Variants in EYS observed in about 807,000 individuals in gnomAD.
The protein encoded by EYS is EGF-like photoreceptor maintenance factor.
In EYS, 250 loss-of-function variants were observed where a neutral mutation model predicts 282.1. That is an observed-to-expected ratio of 0.89 (90% confidence interval 0.80 to 0.98). EYS has a LOEUF of 0.98. Among genes scored for constraint, EYS ranks in the 50% least tolerant of loss-of-function variants. The probability of loss-of-function intolerance (pLI) is 0.00; values close to 1 mark genes in which losing one functional copy is unlikely to be tolerated. For missense variants in EYS, 4,016 were observed against 3,709.0 expected (o/e 1.08, Z -2.15); for synonymous variants, 1,355 against 1,282.9 (o/e 1.06, Z -1.20).
At chr6:64,687,785 A>G (rs971869790) in intron 22 of EYS, among the ~76,000 whole-genome samples, 3 of 152,226 alleles carry the variant, frequency 2.0e-5, no homozygotes, top group African/African-American at 7.2e-5. Flanking sequence ...GAATAGTTTC[A>G]GAAGGAACGG....
intron 30 of EYS, among the ~76,000 whole-genome samples, chr6:64,298,276 A>G (rs1324138720): frequency 6.6e-6 from 1 of 152,166 alleles, no homozygotes. Flanking sequence ...TAATAGTGTT[A>G]TAACTTTGGT....
chr6:65,113,964 C>T (rs1276341531), intron 12 of EYS, among the ~76,000 whole-genome samples: 4 of 151,962 alleles, frequency 2.6e-5, no homozygotes, highest in Admixed American at 6.6e-5. Flanking sequence ...GCTTATTAAA[C>T]GATGGCACTA....
Position 64,591,740 on chromosome 6 carries a change from G to A in EYS, c.4127C>T (p.Ser1376Leu). 1 of 1,551,392 alleles carries A rather than the reference G, an allele frequency of 6.4e-7. No homozygotes were observed. Among genetic ancestry groups the A allele is most frequent in the East Asian group, 2.4e-5 (1 of 40,904 alleles). Residue 1376 changes from serine (S) to leucine (L), a missense_variant, in exon 26 of 43, where the codon TCA becomes TTA. Coordinates refer to ENST00000503581, the MANE Select transcript of EYS (RefSeq NM_001142800.2). ...TSVSHMPIRTSAATLGFFFPD... is the reference protein window; with the variant it reads ...TSVSHMPIRTLAATLGFFFPD... ...AAAAAAGAAACCTAGTGTGGCTGCT[G>A]AAGTTCGAATAGGCATATGTGATAC...
rs568779324 is a variant in EYS, at chr6:64,389,906, G to C, written c.5928-1066C>G. Among the ~76,000 whole-genome samples the C allele has an allele frequency of 4.2e-3, 641 of 152,124 alleles. 5 individuals are homozygous for C. The highest frequency in any genetic ancestry group is 0.015 in the African/African-American group (603 of 41,492). On this transcript the variant is annotated intron_variant, in intron 28 of 42. Transcript: ENST00000503581. Reference sequence around the variant, plus strand: ...AGTGCCAGACAGTGGGCGCAGGTCAGTGGGTGTGCACACCGTGCGCCAGCC... The same window carrying C: ...AGTGCCAGACAGTGGGCGCAGGTCACTGGGTGTGCACACCGTGCGCCAGCC...
intron 35 of EYS, among the ~76,000 whole-genome samples, chr6:63,942,638 C>T (rs890054588): frequency 2.6e-5 from 4 of 152,240 alleles, no homozygotes; most frequent in South Asian, 4.1e-4. Context: ...GACATGGGCC[C>T]TTCCATGATA....
intron 12 of EYS, among the ~76,000 whole-genome samples, chr6:65,102,780 A>G (rs1774931126): frequency 6.6e-6 from 1 of 151,346 alleles, no homozygotes; most frequent in East Asian, 1.9e-4. Context: ...TAAGATTATG[A>G]AAATTAAAGC....
intron 15 of EYS, among the ~76,000 whole-genome samples, chr6:64,932,526 C>G (rs1472087923): frequency 6.6e-6 from 1 of 151,804 alleles, no homozygotes; most frequent in Non-Finnish European, 1.5e-5. Flanking sequence ...TTAGATGTAC[C>G]TAGAAGTCTT....
chr6:64,388,077 C>G (rs941000606), intron 29 of EYS, among the ~76,000 whole-genome samples: 15 of 151,996 alleles, frequency 9.9e-5, no homozygotes, highest in Non-Finnish European at 2.2e-4. Flanking sequence ...GTATACTTAA[C>G]AACCTTCAAT....
chr6:65,508,873 C>G (rs575158291), intron 2 of EYS, among the ~76,000 whole-genome samples: 2 of 152,192 alleles, frequency 1.3e-5, no homozygotes, highest in South Asian at 2.1e-4. Context: ...TTCCCCTCCC[C>G]ACTCCCTGGA....
At chr6:63,954,718 C>T (rs768237914) in intron 35 of EYS, among the ~76,000 whole-genome samples, 14 of 152,266 alleles carry the variant, frequency 9.2e-5, no homozygotes, top group South Asian at 4.1e-4. Context: ...GCCTACTCCC[C>T]GCTGAAACTT....
rs1163802492 is a variant in EYS, at chr6:64,475,281, G to A, written c.5645-35929C>T. 4.2e-5 allele frequency among the ~76,000 whole-genome samples: 3 copies of A among 71,116 alleles called. 1 individual carries two copies. Among genetic ancestry groups the A allele is most frequent in the African/African-American group, 8.4e-5 (2 of 23,712 alleles). The allele number at this position is 71,116 out of a possible 152,430, so 46.7% of individuals were successfully genotyped here. On this transcript the variant is annotated intron_variant, in intron 26 of 42. Coordinates refer to ENST00000503581, the MANE Select transcript of EYS (RefSeq NM_001142800.2). The stretch of plus-strand genomic sequence containing the variant: ...AAATGAAAAGAAAAGGCCGGGCGCG[G>A]TGGCTCACGCCTGTAATCCCAGCAC...
chr6:63,976,682 C>G (rs1003296915), intron 35 of EYS, among the ~76,000 whole-genome samples: 2 of 151,912 alleles, frequency 1.3e-5, no homozygotes, highest in Non-Finnish European at 2.9e-5. Flanking sequence ...TGTATAGGAG[C>G]TAAATGAATC....
chr6:64,610,893 C>T (rs1767093213), intron 24 of EYS, among the ~76,000 whole-genome samples: 1 of 152,104 alleles, frequency 6.6e-6, no homozygotes, highest in South Asian at 2.1e-4. Flanking sequence ...ATCTCCTCCC[C>T]CAAAACCCTC....
chr6:65,601,440 A>G (rs925128751), intron 2 of EYS, among the ~76,000 whole-genome samples: 1 of 151,782 alleles, frequency 6.6e-6, no homozygotes, highest in Non-Finnish European at 1.5e-5. Flanking sequence ...TTTTTCCCCC[A>G]CAGAGATACC....
chr6:64,544,450 G>C (rs1764786032), intron 26 of EYS, among the ~76,000 whole-genome samples: 1 of 152,142 alleles, frequency 6.6e-6, no homozygotes, highest in Non-Finnish European at 1.5e-5. Flanking sequence ...AGCACTCCTA[G>C]ACTGGAGAGA....
chr6:64,871,696 G>A (rs1766602357), intron 19 of EYS, among the ~76,000 whole-genome samples: 1 of 151,980 alleles, frequency 6.6e-6, no homozygotes, highest in Non-Finnish European at 1.5e-5. Context: ...TTACTAAAAT[G>A]CTAGTCAGCT....
chr6:64,809,061 TG>T (rs1764517421), intron 22 of EYS, among the ~76,000 whole-genome samples: 1 of 152,112 alleles, frequency 6.6e-6, no homozygotes, highest in Non-Finnish European at 1.5e-5. Flanking sequence ...AGACATTTAA[TG>T]GTGCAGCCTT....
chr6:64,989,647 A>T (rs895267862), intron 14 of EYS, among the ~76,000 whole-genome samples: 2 of 144,724 alleles, frequency 1.4e-5, no homozygotes, highest in Admixed American at 7.0e-5. Flanking sequence ...ATACATAATT[A>T]TAAAAATTAT....
rs28541747 is a variant in EYS at position 64,129,378 on chromosome 6, T to C, written c.6425-47376A>G. 4.2e-3 allele frequency among the ~76,000 whole-genome samples: 639 copies of C among 152,338 alleles called. 4 individuals are homozygous for C. The highest frequency in any genetic ancestry group is 0.015 in the African/African-American group (616 of 41,580). On this transcript the variant is annotated intron_variant, in intron 31 of 42. Transcript: ENST00000503581. ...TTTGCATTTCTCTGATGGCCAGTGA[T>C]GATGAACATTTTTTCATTTTGTCTT...
Sources: gnomAD v4.1 joint callset for allele counts (sites outside exome capture counted in the v4.1 genomes callset) on GRCh38, gnomAD v4.1.1 for gene constraint, MANE v1.5 for transcripts, NCBI Gene and HGNC (gene_info 2026-07-23, HGNC 2026-07-21) for gene names.